CPNE8: variants seen among roughly 807,000 people sequenced by gnomAD.
The protein encoded by CPNE8 is copine-8.
A neutral mutation model predicts 81.5 loss-of-function variants in CPNE8; 45 were observed. That is an observed-to-expected ratio of 0.55 (90% CI 0.44 to 0.71). CPNE8 has a LOEUF of 0.71. Ranked by LOEUF, CPNE8 falls within the 30% of genes least tolerant of loss-of-function variation. The pLI, the probability that CPNE8 is intolerant of heterozygous loss-of-function variation, is 0.00. For missense variants in CPNE8, 594 were observed against 672.1 expected, an observed-to-expected ratio of 0.88 and a Z score of 1.28; for synonymous variants, 252 against 226.3, an observed-to-expected ratio of 1.11 and a Z score of -1.02.
chr12:38,866,974 T>C (rs1943923506), intron 3 of CPNE8, among the ~76,000 whole-genome samples: 1 of 152,150 alleles, frequency 6.6e-6, no homozygotes, highest in African/African-American at 2.4e-5. Flanking sequence ...TTCTCCTGCC[T>C]CAACCTCCTG....
chr12:38,733,231 T>C (rs530789851), intron 10 of CPNE8, among the ~76,000 whole-genome samples: 1 of 152,094 alleles, frequency 6.6e-6, no homozygotes, highest in African/African-American at 2.4e-5. Context: ...GATATTTTTA[T>C]ACTTTCTAAC....
intron 6 of CPNE8, among the ~76,000 whole-genome samples, chr12:38,810,669 C>G (rs1942917068): frequency 6.6e-6 from 1 of 152,100 alleles, no homozygotes; most frequent in South Asian, 2.1e-4. Context: ...AAACAATATC[C>G]ATTCATCATT....
chr12:38,854,639 C>T (rs1943701407), intron 3 of CPNE8, among the ~76,000 whole-genome samples: 2 of 151,998 alleles, frequency 1.3e-5, no homozygotes, highest in Admixed American at 6.5e-5. Context: ...AAAGATGATA[C>T]AGTACGTTAA....
At chr12:38,817,572 C>T (rs1943045879) in intron 6 of CPNE8, among the ~76,000 whole-genome samples, 1 of 149,646 alleles carries the variant, frequency 6.7e-6, no homozygotes, top group Non-Finnish European at 1.5e-5. Context: ...TAAAGTGATA[C>T]CAAATTTTTA....
chr12:38,816,032 C>G (rs1391762328), intron 6 of CPNE8, among the ~76,000 whole-genome samples: 1 of 152,080 alleles, frequency 6.6e-6, no homozygotes, highest in Non-Finnish European at 1.5e-5. Flanking sequence ...ATCTATCCAT[C>G]TACAGAAATA....
chr12:38,823,299 T>C (rs1169847581), intron 6 of CPNE8, among the ~76,000 whole-genome samples: 1 of 152,170 alleles, frequency 6.6e-6, no homozygotes, highest in African/African-American at 2.4e-5. Flanking sequence ...TCTCTGTCCT[T>C]GAACCCTAAG....
At chr12:38,750,403 A>G (rs1941331627) in intron 10 of CPNE8, among the ~76,000 whole-genome samples, 1 of 152,058 alleles carries the variant, frequency 6.6e-6, no homozygotes, top group African/African-American at 2.4e-5. Flanking sequence ...GAGAGCTTGC[A>G]CCTTGCACCT....
chr12:38,673,394 T>A (rs141304278), intron 18 of CPNE8, among the ~76,000 whole-genome samples: 1,980 of 152,184 alleles, frequency 0.013, 30 homozygotes, highest in South Asian at 0.044. Context: ...CTAGAGTAGA[T>A]TTGGAAGTGT....
chr12:38,702,804 T>G, intron 14 of CPNE8, 71 bp downstream of exon 14: 1 of 927,146 alleles, frequency 1.1e-6, no homozygotes, highest in Non-Finnish European at 1.6e-6. Flanking sequence ...AAATTAACAC[T>G]TATGAAAATA....
chr12:38,827,013 CAAAAAAA>C (rs56670584), intron 6 of CPNE8, among the ~76,000 whole-genome samples: 5 of 91,666 alleles, frequency 5.5e-5, no homozygotes, highest in Non-Finnish European at 1.1e-4. Context: ...ACTAAAAATA[CAAAAAAA>C]AAAAAAAAAA....
chr12:38,735,306 C>T (rs138260522), intron 10 of CPNE8, among the ~76,000 whole-genome samples: 1,843 of 152,106 alleles, frequency 0.012, 27 homozygotes, highest in Middle Eastern at 0.041. Flanking sequence ...CCTAATTAAA[C>T]GCATGGGTTG....
chr12:38,723,703 G>T, intron 13 of CPNE8, 69 bp downstream of exon 13: 3 of 897,676 alleles, frequency 3.3e-6, no homozygotes, highest in Non-Finnish European at 5.6e-6. Flanking sequence ...CAGGTACCTC[G>T]TGGTAGCGCT....
chr12:38,678,438 G>C (rs1353266380), intron 16 of CPNE8, among the ~76,000 whole-genome samples: 2 of 151,710 alleles, frequency 1.3e-5, no homozygotes, highest in Non-Finnish European at 2.9e-5. Context: ...TTCATGTCCA[G>C]TGCTAAGTAA....
intron 4 of CPNE8, among the ~76,000 whole-genome samples, chr12:38,848,280 A>C (rs1278432975): frequency 6.6e-6 from 1 of 152,146 alleles, no homozygotes; most frequent in Non-Finnish European, 1.5e-5. Context: ...TGGAGTATAC[A>C]TAGAACTTGT....
intron 1 of CPNE8, among the ~76,000 whole-genome samples, chr12:38,878,284 A>C (rs1012261934): frequency 6.6e-6 from 1 of 152,196 alleles, no homozygotes; most frequent in Non-Finnish European, 1.5e-5. Context: ...GCAACATCCA[A>C]GAACCCTTTC....
intron 1 of CPNE8, among the ~76,000 whole-genome samples, chr12:38,884,270 G>T (rs573139972): frequency 1.3e-5 from 2 of 152,122 alleles, no homozygotes; most frequent in Non-Finnish European, 2.9e-5. Flanking sequence ...AGCATTTCAT[G>T]TAAATAGAAT....
intron 7 of CPNE8, among the ~76,000 whole-genome samples, chr12:38,769,941 C>T (rs937617282): frequency 2.0e-5 from 3 of 152,104 alleles, no homozygotes; most frequent in African/African-American, 7.2e-5. Context: ...AGGTTAACAA[C>T]TTAGCAGGGA....
At chr12:38,887,068 G>A (rs1944247399) in intron 1 of CPNE8, among the ~76,000 whole-genome samples, 2 of 152,168 alleles carry the variant, frequency 1.3e-5, no homozygotes, top group Admixed American at 1.3e-4. Flanking sequence ...GCACCAGGAG[G>A]CAATGAGCAG....
intron 17 of CPNE8, chr12:38,676,444 C>G: frequency 3.9e-6 from 1 of 259,186 alleles, no homozygotes; most frequent in Non-Finnish European, 6.0e-6. Flanking sequence ...CTTTCTCCTC[C>G]AAAAATATTT....
Sources: gnomAD v4.1 joint callset for allele counts (sites outside exome capture counted in the v4.1 genomes callset) on GRCh38, gnomAD v4.1.1 for gene constraint, MANE v1.5 for transcripts, NCBI Gene and HGNC (gene_info 2026-07-23, HGNC 2026-07-21) for gene names.